Variants in GSE1 observed in about 807,000 individuals in gnomAD.
The protein encoded by GSE1 is Gse1 coiled-coil protein.
Under a neutral mutation model 112.6 loss-of-function variants are expected in GSE1, and 32 were observed. The observed-to-expected ratio is 0.28, with a 90% confidence interval of 0.21 to 0.38. The LOEUF (loss-of-function observed/expected upper bound fraction) is 0.38. GSE1 is among the 10% of genes least tolerant of loss of function. The probability of loss-of-function intolerance (pLI) is 1.00; values close to 1 mark genes in which losing one functional copy is unlikely to be tolerated. For missense variants in GSE1, 2,348 were observed against 1,699.2 expected, an observed-to-expected ratio of 1.38 and a Z score of -6.71; for synonymous variants, 1,115 against 735.6, an observed-to-expected ratio of 1.52 and a Z score of -8.35.
At chr16:85,292,142 CTT>C (rs34933476) in intron 1 of GSE1, among the ~76,000 whole-genome samples, 57 of 137,646 alleles carry the variant, frequency 4.1e-4, no homozygotes, top group Non-Finnish European at 4.1e-4. Context: ...AAGAATGAAC[CTT>C]TTTTTTTTTT....
At chr16:85,581,159 G>C (rs117287225) in intron 1 of GSE1, among the ~76,000 whole-genome samples, 10 of 152,310 alleles carry the variant, frequency 6.6e-5, no homozygotes, top group Non-Finnish European at 1.5e-4. Flanking sequence ...TCCCACATGG[G>C]CTCCTCTCTC....
At chr16:85,668,025 C>G (rs1490967844) in intron 13 of GSE1, 115 bp from the exon 14 acceptor site, 45 of 775,446 alleles carry the variant, frequency 5.8e-5, no homozygotes, top group Admixed American at 5.1e-4. Context: ...TCTTGGTCCC[C>G]GGAGCCCTGC....
chr16:85,644,057 G>T (rs1409024314), intron 2 of GSE1, among the ~76,000 whole-genome samples: 2 of 152,158 alleles, frequency 1.3e-5, no homozygotes, highest in African/African-American at 4.8e-5. Context: ...GGCAGGCACC[G>T]TTACTCATGC....
At chr16:85,571,576 C>T (rs1408667754) in intron 1 of GSE1, among the ~76,000 whole-genome samples, 2 of 152,244 alleles carry the variant, frequency 1.3e-5, no homozygotes, top group Non-Finnish European at 2.9e-5. Context: ...GTCACCGGGT[C>T]TTCTCGGGGA....
chr16:85,546,037 G>A (rs549381194), intron 2 of GSE1, among the ~76,000 whole-genome samples: 82 of 152,182 alleles, frequency 5.4e-4, no homozygotes, highest in African/African-American at 2.0e-3. Context: ...TGCCCACCTC[G>A]GCCTCCCAAA....
At chr16:85,399,112 G>A (rs2048032856) in intron 2 of GSE1, among the ~76,000 whole-genome samples, 2 of 152,154 alleles carry the variant, frequency 1.3e-5, no homozygotes, top group Non-Finnish European at 2.9e-5. Flanking sequence ...GTGTGTGTGA[G>A]GATGCATAGG....
At chr16:85,185,825 C>T (rs1281700601) in intron 1 of GSE1, among the ~76,000 whole-genome samples, 1 of 152,222 alleles carries the variant, frequency 6.6e-6, no homozygotes, top group Non-Finnish European at 1.5e-5. Flanking sequence ...TGAACCCTCC[C>T]TGGGGCATTC....
intron 1 of GSE1, among the ~76,000 whole-genome samples, chr16:85,182,753 G>A (rs2143324872): frequency 6.6e-6 from 1 of 152,222 alleles, no homozygotes; most frequent in South Asian, 2.1e-4. Context: ...CGTGCTGGGA[G>A]CCGCCTGCGT....
At chr16:85,666,664 T>TG in intron 13 of GSE1, 1 of 331,250 alleles carries the variant, frequency 3.0e-6, no homozygotes, top group Non-Finnish European at 5.6e-6. Context: ...GATTAAAAGA[T>TG]TCCCCAAAGG....
chr16:85,262,961 C>G (rs1414952284), intron 1 of GSE1, among the ~76,000 whole-genome samples: 1 of 152,220 alleles, frequency 6.6e-6, no homozygotes, highest in Non-Finnish European at 1.5e-5. Flanking sequence ...GGACAGAGAT[C>G]CCTGCCCTTA....
At chr16:85,612,015 C>A (rs2048016660), upstream of GSE1, among the ~76,000 whole-genome samples, 1 of 151,822 alleles carries the variant, frequency 6.6e-6, no homozygotes, top group African/African-American at 2.4e-5. Context: ...CTGGGGCGGC[C>A]GCCCAGGGGG....
intron 2 of GSE1, chr16:85,357,755 G>A (rs906486728): frequency 1.0e-5 from 6 of 573,748 alleles, no homozygotes; most frequent in Admixed American, 2.9e-5. Flanking sequence ...TTGTGTCCTC[G>A]GCATCCTAGG....
intron 1 of GSE1, among the ~76,000 whole-genome samples, chr16:85,575,250 G>A (rs1019410169): frequency 1.3e-4 from 20 of 152,190 alleles, no homozygotes; most frequent in Non-Finnish European, 2.9e-5. Context: ...TGCAACCTGC[G>A]GTGCTCCCAG....
chr16:85,473,836 G>A (rs1439254501), intron 2 of GSE1, among the ~76,000 whole-genome samples: 4 of 152,112 alleles, frequency 2.6e-5, no homozygotes, highest in Admixed American at 2.0e-4. Context: ...TGAGAAGTCT[G>A]GTGGGGAGCA....
intron 1 of GSE1, among the ~76,000 whole-genome samples, chr16:85,205,798 C>T (rs1482506886): frequency 4.6e-5 from 7 of 152,178 alleles, no homozygotes; most frequent in Admixed American, 3.9e-4. Context: ...ACTGGGAGGA[C>T]ATTTGAACTG....
chr16:85,304,601 C>CGGGG (rs1290541396), intron 1 of GSE1, among the ~76,000 whole-genome samples: 1,653 of 77,920 alleles, frequency 0.021, 78 homozygotes, highest in Admixed American at 0.033. Flanking sequence ...AAGCCGGGGG[C>CGGGG]GGGGGGGTGG....
chr16:85,393,355 GCCACA>G, intron 2 of GSE1, among the ~76,000 whole-genome samples: 1 of 152,186 alleles, frequency 6.6e-6, no homozygotes, highest in Non-Finnish European at 1.5e-5. Context: ...GAGGCCAGGG[GCCACA>G]CCCTCTCAGG....
At chr16:85,294,649 CTCTCTCTCTGTCTCTCTCT>C (rs2045315894) in intron 1 of GSE1, among the ~76,000 whole-genome samples, 4 of 118,260 alleles carry the variant, frequency 3.4e-5, no homozygotes, top group African/African-American at 1.4e-4. Flanking sequence ...CTCTCTCTCT[CTCTCTCTCTGTCTCTCTCT>C]CTCCCCCCCC....
intron 2 of GSE1, among the ~76,000 whole-genome samples, chr16:85,545,089 C>T (rs2044651078): frequency 6.6e-6 from 1 of 152,242 alleles, no homozygotes; most frequent in Non-Finnish European, 1.5e-5. Flanking sequence ...CCAGGGCTGT[C>T]TGAGATTACC....
Sources: gnomAD v4.1 joint callset for allele counts (sites outside exome capture counted in the v4.1 genomes callset) on GRCh38, gnomAD v4.1.1 for gene constraint, MANE v1.5 for transcripts, NCBI Gene and HGNC (gene_info 2026-07-23, HGNC 2026-07-21) for gene names.